Variants in FAM120A observed in about 807,000 individuals in gnomAD.
The protein encoded by FAM120A is constitutive coactivator of PPAR-gamma-like protein 1.
Under a neutral mutation model 109.7 loss-of-function variants are expected in FAM120A, and 15 were observed. The observed-to-expected ratio is 0.14, with a 90% CI of 0.09 to 0.21. The LOEUF (loss-of-function observed/expected upper bound fraction) is 0.21, where lower values mean the gene tolerates loss of function less well. FAM120A is among the 10% of genes least tolerant of loss of function. The pLI is 1.00. For synonymous variants in FAM120A, 493 were observed against 572.8 expected, an observed-to-expected ratio of 0.86 and a Z score of 1.99; for missense variants, 899 against 1,439.3, an observed-to-expected ratio of 0.62 and a Z score of 6.07.
intron 7 of FAM120A, among the ~76,000 whole-genome samples, chr9:93,517,878 G>A (rs1488871025): frequency 6.6e-6 from 1 of 152,182 alleles, no homozygotes; most frequent in Non-Finnish European, 1.5e-5. Flanking sequence ...GAGTAGGACT[G>A]CCTGAGCATG....
At chr9:93,484,923 C>T (rs970414500) in intron 3 of FAM120A, among the ~76,000 whole-genome samples, 1 of 152,188 alleles carries the variant, frequency 6.6e-6, no homozygotes, top group Non-Finnish European at 1.5e-5. Context: ...TTTAAATAAG[C>T]AGCATAATGT....
chr9:93,482,269 C>A (rs1322644534), intron 3 of FAM120A, among the ~76,000 whole-genome samples: 1 of 148,904 alleles, frequency 6.7e-6, no homozygotes, highest in African/African-American at 2.5e-5. Flanking sequence ...CTCACTGCAG[C>A]CTCTGCCTCC....
intron 5 of FAM120A, among the ~76,000 whole-genome samples, chr9:93,501,078 G>A (rs918452081): frequency 1.3e-5 from 2 of 152,268 alleles, no homozygotes; most frequent in Middle Eastern, 3.4e-3. Context: ...TGAATGATTG[G>A]GCATTGGAAT....
At chr9:93,482,921 T>C (rs182253170) in intron 3 of FAM120A, among the ~76,000 whole-genome samples, 3 of 152,314 alleles carry the variant, frequency 2.0e-5, no homozygotes, top group Admixed American at 2.0e-4. Flanking sequence ...GTAGGTCTCA[T>C]GCAGTGCCTG....
chr9:93,474,749 A>G (rs1858474782), intron 2 of FAM120A, among the ~76,000 whole-genome samples: 1 of 151,450 alleles, frequency 6.6e-6, no homozygotes, highest in Admixed American at 6.6e-5. Flanking sequence ...AACCGCCACC[A>G]CTCCCTGCTA....
intron 17 of FAM120A, 57 bp downstream of exon 17, chr9:93,562,361 C>G: frequency 7.3e-7 from 1 of 1,366,568 alleles, no homozygotes; most frequent in Non-Finnish European, 1.0e-6. Flanking sequence ...TGTCTCCTGT[C>G]TGAGCTTGCA....
intron 3 of FAM120A, among the ~76,000 whole-genome samples, chr9:93,491,690 A>G (rs986788614): frequency 7.9e-5 from 12 of 152,232 alleles, no homozygotes; most frequent in Admixed American, 2.0e-4. Context: ...AAATTGCTAC[A>G]CAGTGATGTG....
chr9:93,513,103 A>G (rs1860407047), intron 5 of FAM120A, among the ~76,000 whole-genome samples: 1 of 152,376 alleles, frequency 6.6e-6, no homozygotes, highest in Admixed American at 6.5e-5. Context: ...GGTCAGCCAC[A>G]AGATATTATA....
intron 13 of FAM120A, 81 bp from the exon 14 acceptor site, chr9:93,557,746 T>A: frequency 7.4e-7 from 1 of 1,351,752 alleles, no homozygotes; most frequent in Non-Finnish European, 1.0e-6. Flanking sequence ...AGTTGATAGA[T>A]CTTATTTCTT....
rs1386168705 is a variant in FAM120A, at chr9:93,476,249, A to G, written c.722-7A>G. 2 of 1,588,352 alleles carry G rather than the reference A, an allele frequency of 1.3e-6. No individual in the cohort carries two copies. The highest frequency in any genetic ancestry group is 2.2e-5 in the South Asian group (2 of 90,572). ...TTGCTTTTATGTTATCCATGTTTAT[A>G]TTCCAGGAAATCACATTCTGCCTGA... On this transcript the variant is annotated splice_region_variant and splice_polypyrimidine_tract_variant and intron_variant, in intron 2 of 17. Coordinates refer to ENST00000277165, the MANE Select transcript of FAM120A (RefSeq NM_014612.5).
At chr9:93,469,811 A>G (rs1388718674) in intron 1 of FAM120A, among the ~76,000 whole-genome samples, 1 of 152,128 alleles carries the variant, frequency 6.6e-6, no homozygotes, top group East Asian at 1.9e-4. Context: ...TCTTTTACGT[A>G]TGCATCTTGA....
At chr9:93,555,842 AAAAACCTT>A (rs1862266584) in intron 12 of FAM120A, among the ~76,000 whole-genome samples, 3 of 152,232 alleles carry the variant, frequency 2.0e-5, no homozygotes, top group Admixed American at 2.0e-4. Flanking sequence ...AGTTGCAATT[AAAAACCTT>A]GACATATAAA....
rs1051164882 is a variant in FAM120A, at chr9:93,478,279, GTTT to G, written c.804+1952_804+1954del. On this transcript the variant is annotated intron_variant, in intron 3 of 17. Transcript: ENST00000277165. ...CAAATTTTTTCAGAGTCATTTATAGGTTTTTTTTTTTTTGATCGAGATCCAGTC... is the reference window on the plus strand; with the variant it reads ...CAAATTTTTTCAGAGTCATTTATAGGTTTTTTTTTTGATCGAGATCCAGTC... Among the ~76,000 whole-genome samples the G allele has an allele frequency of 5.6e-5, 8 of 142,202 alleles. No individual in the cohort carries two copies. The South Asian group carries it at 1.8e-3, about 32-fold the overall frequency. 93.3% of individuals were successfully genotyped at this position (142,202 alleles called of 152,430 possible).
chr9:93,530,614 G>A (rs1861289423), intron 9 of FAM120A: 1 of 152,126 alleles, frequency 6.6e-6, no homozygotes, highest in Non-Finnish European at 1.5e-5. Context: ...TTTTTTAGTT[G>A]TAATGCCTCC....
At chr9:93,516,822 G>A (rs1188037420) in intron 7 of FAM120A, among the ~76,000 whole-genome samples, 2 of 152,050 alleles carry the variant, frequency 1.3e-5, no homozygotes, top group Non-Finnish European at 2.9e-5. Context: ...TGAATAAATG[G>A]GTTCACAAAT....
chr9:93,523,478 G>C, intron 7 of FAM120A: 1 of 362,936 alleles, frequency 2.8e-6, no homozygotes, highest in Non-Finnish European at 4.9e-6. Flanking sequence ...TTTGACACAT[G>C]GTACCATTTC....
In FAM120A at chr9:93,452,462, A is replaced by G; in HGVS notation, c.474+73A>G. On this transcript the variant is annotated intron_variant, in intron 1 of 17. Transcript: ENST00000277165. The surrounding 1 kb of genome is among the most constrained non-coding windows in gnomAD (Gnocchi z 7.0). ...CCCTATCCCCCTTCCCAGGGCGCAG[A>G]ATGTCGCCCGGCCGTGGCGGCGCTG... 6.5e-7 allele frequency: 1 copy of G among 1,550,112 alleles called. No homozygotes were observed. Among genetic ancestry groups the G allele is most frequent in the South Asian group, 1.2e-5 (1 of 86,054 alleles).
Position 93,498,266 on chromosome 9 carries a change from G to A in FAM120A, c.934-524G>A, listed in dbSNP as rs1335018879. ...AAATTAGCCAGGCGTGGTGGTGGGC[G>A]CCTGTAATGCCAGCTACTCGGGATG... On this transcript the variant is annotated intron_variant, in intron 4 of 17. Transcript: ENST00000277165. This position sits in a 1 kb window ranked among gnomAD's most constrained non-coding sequence, Gnocchi z 4.4. Among the ~76,000 whole-genome samples the A allele has an allele frequency of 5.9e-5, 9 of 152,196 alleles. No homozygotes were observed. Among genetic ancestry groups the A allele is most frequent in the South Asian group, 2.1e-4 (1 of 4,828 alleles).
intron 12 of FAM120A, among the ~76,000 whole-genome samples, chr9:93,553,891 A>G (rs1862191321): frequency 6.6e-6 from 1 of 152,172 alleles, no homozygotes; most frequent in Non-Finnish European, 1.5e-5. Context: ...TTATTTATAT[A>G]TAACATTTAG....
Sources: gnomAD v4.1 joint callset for allele counts (sites outside exome capture counted in the v4.1 genomes callset) on GRCh38, gnomAD v4.1.1 for gene constraint, Gnocchi (gnomAD v3.1) non-coding constraint, MANE v1.5 for transcripts, NCBI Gene and HGNC (gene_info 2026-07-23, HGNC 2026-07-21) for gene names.